The following LINGO2 variants were observed in gnomAD, a reference collection of about 807,000 sequenced individuals.
The protein encoded by LINGO2 is leucine-rich repeat and immunoglobulin-like domain-containing nogo receptor-interacting protein 2.
A neutral mutation model predicts 30.6 loss-of-function variants in LINGO2; 14 were observed. The observed-to-expected ratio is 0.46, with a 90% CI of 0.30 to 0.72. The LOEUF is 0.72. LINGO2 is among the 30% of genes least tolerant of loss of function. The pLI, the probability that LINGO2 is intolerant of heterozygous loss-of-function variation, is 0.07. For missense variants in LINGO2, 729 were observed against 751.7 expected (o/e 0.97, Z 0.35); for synonymous variants, 317 against 288.5 (o/e 1.10, Z -1.00).
chr9:28,648,216 A>G (rs1235045733), intron 1 of LINGO2, among the ~76,000 whole-genome samples: 1 of 152,152 alleles, frequency 6.6e-6, no homozygotes, highest in Admixed American at 6.6e-5. Flanking sequence ...ATGCTTTGCA[A>G]AAAAATATAA....
At chr9:28,510,556 AG>A (rs1820333002) in intron 1 of LINGO2, among the ~76,000 whole-genome samples, 1 of 151,996 alleles carries the variant, frequency 6.6e-6, no homozygotes, top group South Asian at 2.1e-4. Context: ...GCAGAGGCAG[AG>A]GAGGTGGAGG....
chr9:28,369,557 A>G (rs1820816973), intron 3 of LINGO2, among the ~76,000 whole-genome samples: 1 of 152,184 alleles, frequency 6.6e-6, no homozygotes, highest in Non-Finnish European at 1.5e-5. Context: ...GCCTATTCTT[A>G]TCTCTCCTCT....
intron 4 of LINGO2, among the ~76,000 whole-genome samples, chr9:28,040,071 C>A (rs544780366): frequency 6.6e-6 from 1 of 152,274 alleles, no homozygotes; most frequent in East Asian, 1.9e-4. Flanking sequence ...TTTTCAAAAC[C>A]ATTTTCCTTC....
At chr9:28,269,990 G>A (rs1272670138) in intron 4 of LINGO2, among the ~76,000 whole-genome samples, 1 of 152,106 alleles carries the variant, frequency 6.6e-6, no homozygotes, top group Non-Finnish European at 1.5e-5. Context: ...TGTGCAAGGT[G>A]CAATGGATAA....
the LINGO2 span, among the ~76,000 whole-genome samples, chr9:29,009,940 T>C: frequency 6.6e-6 from 1 of 152,240 alleles, no homozygotes; most frequent in African/African-American, 2.4e-5. Context: ...AAGGATTCCC[T>C]ATTTAATAAA....
intron 5 of LINGO2, among the ~76,000 whole-genome samples, chr9:27,991,303 G>T (rs1366398251): frequency 3.3e-5 from 5 of 152,032 alleles, no homozygotes; most frequent in Non-Finnish European, 7.4e-5. Context: ...CTTCTCTGAA[G>T]AGCTTAGAGA....
At chr9:29,115,679 C>A in the LINGO2 span, among the ~76,000 whole-genome samples, 1 of 151,644 alleles carries the variant, frequency 6.6e-6, no homozygotes, top group East Asian at 1.9e-4. Context: ...TATTGAAGAA[C>A]TAAAACTATC....
chr9:28,347,026 A>T lies in LINGO2; in HGVS notation c.-246+25810T>A, dbSNP rs541227233. Among the ~76,000 whole-genome samples the T allele has an allele frequency of 5.9e-5, 9 of 152,278 alleles. No homozygotes were observed. In the South Asian group the frequency reaches 1.7e-3, roughly 28 times the overall value. ...TTCTTTTGCTGTACAGAAGCTCTAA[A>T]GTTTAATTAGATCCCATTTGTCAAT... On this transcript the variant is annotated intron_variant, in intron 3 of 5. Transcript: ENST00000379992.
intron 3 of LINGO2, among the ~76,000 whole-genome samples, chr9:28,326,212 G>A (rs1055273831): frequency 2.0e-5 from 3 of 152,098 alleles, no homozygotes; most frequent in East Asian, 1.9e-4. Context: ...TCACCATGTT[G>A]GTCATGCTGG....
rs143710538 is a variant in LINGO2, at chr9:28,138,236, T to C, written c.-86-125831A>G. Among the ~76,000 whole-genome samples, 738 of 152,258 alleles carry C rather than the reference T, an allele frequency of 4.8e-3. 1 individual carries two copies. The highest frequency in any genetic ancestry group is 0.01 in the Admixed American group (157 of 15,302). On this transcript the variant is annotated intron_variant, in intron 4 of 5. Coordinates refer to ENST00000379992, the Ensembl canonical transcript of LINGO2. ...CCCCCAAAGATTAAAGGCAAAACAG[T>C]TTTCAATTTACCTAAAACACTGTTC...
the LINGO2 span, among the ~76,000 whole-genome samples, chr9:28,880,310 G>A: frequency 6.6e-6 from 1 of 152,150 alleles, no homozygotes; most frequent in Non-Finnish European, 1.5e-5. Flanking sequence ...GAATTGCTTT[G>A]CTGAGACGTT....
chr9:28,735,057 A>AT, the LINGO2 span, among the ~76,000 whole-genome samples: 10 of 151,962 alleles, frequency 6.6e-5, no homozygotes, highest in Admixed American at 2.6e-4. Context: ...TGTACTTCTG[A>AT]TTTTTTTATC....
chr9:28,821,629 G>A, the LINGO2 span, among the ~76,000 whole-genome samples: 2 of 152,290 alleles, frequency 1.3e-5, no homozygotes, highest in Admixed American at 1.3e-4. Context: ...AGAACAATAG[G>A]CCTGGTGCTG....
At chr9:28,320,173 A>C (rs1824987718) in intron 3 of LINGO2, among the ~76,000 whole-genome samples, 1 of 152,162 alleles carries the variant, frequency 6.6e-6, no homozygotes, top group Non-Finnish European at 1.5e-5. Context: ...CTCAAGGGTC[A>C]CATAGCTTAG....
At chr9:28,440,416 C>G (rs1244383392) in intron 2 of LINGO2, among the ~76,000 whole-genome samples, 3 of 152,128 alleles carry the variant, frequency 2.0e-5, no homozygotes, top group Non-Finnish European at 4.4e-5. Context: ...TCTTTTAGCT[C>G]TTCAGAAGAA....
the LINGO2 span, among the ~76,000 whole-genome samples, chr9:29,162,216 G>A: frequency 6.6e-6 from 1 of 152,074 alleles, no homozygotes; most frequent in African/African-American, 2.4e-5. Flanking sequence ...CACCATGCCC[G>A]GCCTTGAGAT....
At chr9:28,741,502 G>A in the LINGO2 span, among the ~76,000 whole-genome samples, 3 of 151,974 alleles carry the variant, frequency 2.0e-5, no homozygotes, top group Admixed American at 6.6e-5. Flanking sequence ...CTGTGGCCTT[G>A]TGGATACAGC....
chr9:28,751,572 C>T, the LINGO2 span, among the ~76,000 whole-genome samples: 1 of 151,974 alleles, frequency 6.6e-6, no homozygotes, highest in African/African-American at 2.4e-5. Flanking sequence ...TTTCAGTGAA[C>T]AAACATTGCA....
At chr9:28,425,105 T>C (rs1009420820) in intron 2 of LINGO2, among the ~76,000 whole-genome samples, 5 of 151,646 alleles carry the variant, frequency 3.3e-5, no homozygotes, top group Non-Finnish European at 7.4e-5. Context: ...AATACATAAT[T>C]AATACATAAT....
Sources: gnomAD v4.1 joint callset for allele counts (sites outside exome capture counted in the v4.1 genomes callset) on GRCh38, gnomAD v4.1.1 for gene constraint, MANE v1.5 for transcripts, NCBI Gene and HGNC (gene_info 2026-07-23, HGNC 2026-07-21) for gene names.